RBPMS: variants seen among roughly 807,000 people sequenced by gnomAD.
The protein encoded by RBPMS is RNA binding protein, mRNA processing factor.
RBPMS carries 7 observed loss-of-function variants against 26.8 expected under a neutral mutation model. That is an observed-to-expected ratio of 0.26 (90% CI 0.15 to 0.49). The LOEUF is 0.49. Ranked by LOEUF, RBPMS falls within the 20% of genes least tolerant of loss-of-function variation. The probability of loss-of-function intolerance (pLI) is 0.98; values close to 1 mark genes in which losing one functional copy is unlikely to be tolerated. For missense variants in RBPMS, 186 were observed against 250.0 expected, an observed-to-expected ratio of 0.74 and a Z score of 1.73; for synonymous variants, 96 against 93.3, an observed-to-expected ratio of 1.03 and a Z score of -0.17.
intron 1 of RBPMS, among the ~76,000 whole-genome samples, chr8:30,448,878 C>T (rs1026298985): frequency 6.6e-6 from 1 of 152,204 alleles, no homozygotes; most frequent in Non-Finnish European, 1.5e-5. Context: ...CATTTCTTTT[C>T]TATGTCCAGA....
At chr8:30,409,852 C>T (rs879629085) in intron 1 of RBPMS, among the ~76,000 whole-genome samples, 8 of 151,454 alleles carry the variant, frequency 5.3e-5, no homozygotes, top group African/African-American at 9.7e-5. Context: ...AGGCTGGTCT[C>T]GATCTCCTGA....
At chr8:30,506,524 T>A (rs1821086447) in intron 5 of RBPMS, among the ~76,000 whole-genome samples, 1 of 152,124 alleles carries the variant, frequency 6.6e-6, no homozygotes, top group East Asian at 1.9e-4. Flanking sequence ...AACTTGACCG[T>A]CACATACAAC....
At chr8:30,493,941 TGGTTGGC>T (rs1211860236) in intron 4 of RBPMS, among the ~76,000 whole-genome samples, 1 of 151,944 alleles carries the variant, frequency 6.6e-6, no homozygotes, top group Non-Finnish European at 1.5e-5. Context: ...TACATAGGGG[TGGTTGGC>T]TAACACAAAA....
chr8:30,479,887 G>A (rs2150847168), intron 4 of RBPMS, among the ~76,000 whole-genome samples: 1 of 152,050 alleles, frequency 6.6e-6, no homozygotes, highest in Non-Finnish European at 1.5e-5. Context: ...CAAAAGACGT[G>A]TGTTGTAATA....
intron 1 of RBPMS, among the ~76,000 whole-genome samples, chr8:30,458,494 C>G (rs967533870): frequency 1.3e-5 from 2 of 151,934 alleles, no homozygotes; most frequent in African/African-American, 4.8e-5. Context: ...AGCTGGGATT[C>G]AAACCCAGGC....
chr8:30,506,857 A>G (rs996392905), intron 5 of RBPMS, among the ~76,000 whole-genome samples: 1 of 152,218 alleles, frequency 6.6e-6, no homozygotes, highest in Non-Finnish European at 1.5e-5. Context: ...TGAACTCTCA[A>G]TTCTCCATAA....
At position 30,566,264 on chromosome 8, in the gene RBPMS, G is replaced by C. The variant is rs775863689; in HGVS notation, c.*15G>C. On this transcript the variant is annotated 3_prime_UTR_variant, in exon 8 of 9. Transcript: ENST00000397323. ...GATCTTTCTCCATCCCAGGTCCCAG[G>C]TGTGTGATGGCGGCTGCAATCTGTC... is the stretch of plus-strand genomic sequence containing the variant. The C allele has an allele frequency of 3.0e-6, 3 of 985,882 alleles. No homozygotes were observed. Among genetic ancestry groups the C allele is most frequent in the African/African-American group, 1.7e-5 (1 of 57,264 alleles). 61.1% of individuals were successfully genotyped at this position (985,882 alleles called of 1,614,324 possible).
In RBPMS at chr8:30,527,555, A is replaced by T. The variant is rs1490929032; in HGVS notation, c.398-16939A>T. ...ACTAGCTGGCCTACAACCGTTGGTT[A>T]CATACACAGCCCAGTCTTTTCATAA... On this transcript the variant is annotated intron_variant, in intron 5 of 8. Transcript: ENST00000397323. Among the ~76,000 whole-genome samples, 3 of 152,182 alleles carry T rather than the reference A, an allele frequency of 2.0e-5. No homozygotes were observed. In the East Asian group the frequency reaches 5.8e-4, roughly 29 times the overall value.
chr8:30,553,144 TAGTGAAG>T (rs1826536790), intron 6 of RBPMS: 1 of 152,176 alleles, frequency 6.6e-6, no homozygotes, highest in Admixed American at 6.5e-5. Context: ...GCCAGACAGG[TAGTGAAG>T]AATGCTGATG....
At chr8:30,545,029 T>C (rs1825758727) in intron 6 of RBPMS, 2 of 1,421,118 alleles carry the variant, frequency 1.4e-6, no homozygotes, top group Non-Finnish European at 1.8e-6. Flanking sequence ...TGCGTGTTTC[T>C]GTGTGTTGAG....
intron 5 of RBPMS, among the ~76,000 whole-genome samples, chr8:30,540,621 G>A (rs759629624): frequency 1.3e-5 from 2 of 152,030 alleles, no homozygotes; most frequent in South Asian, 2.1e-4. Context: ...ACGGGGTCTC[G>A]CTATGTTGCC....
At chr8:30,520,669 T>G (rs188604724) in intron 5 of RBPMS, among the ~76,000 whole-genome samples, 6 of 152,230 alleles carry the variant, frequency 3.9e-5, no homozygotes, top group Middle Eastern at 3.4e-3. Flanking sequence ...TTTATCTGGT[T>G]AAAGCAACTC....
chr8:30,559,597 G>GA (rs1419573601), intron 7 of RBPMS, among the ~76,000 whole-genome samples: 1 of 152,158 alleles, frequency 6.6e-6, no homozygotes, highest in African/African-American at 2.4e-5. Flanking sequence ...CTGTAATTCA[G>GA]AAATTCTGAA....
intron 1 of RBPMS, among the ~76,000 whole-genome samples, chr8:30,437,258 A>G (rs1409016922): frequency 1.3e-5 from 2 of 151,842 alleles, no homozygotes; most frequent in African/African-American, 4.8e-5. Context: ...TGTTGGGATT[A>G]TAAGTCAAAA....
At chr8:30,445,649 G>GATATATATATATATATATATAT (rs59580323) in intron 1 of RBPMS, among the ~76,000 whole-genome samples, 1,768 of 106,846 alleles carry the variant, frequency 0.017, 76 homozygotes, top group African/African-American at 0.031. Context: ...TATACACACG[G>GATATATATATATATATATATAT]ATATATATAT....
chr8:30,472,113 T>C (rs1817177430), intron 1 of RBPMS, among the ~76,000 whole-genome samples: 1 of 152,234 alleles, frequency 6.6e-6, no homozygotes, highest in Admixed American at 6.5e-5. Context: ...TACATGAATG[T>C]TCATAGCCAT....
chr8:30,508,219 GGA>G (rs1163390286), intron 5 of RBPMS, among the ~76,000 whole-genome samples: 1 of 152,152 alleles, frequency 6.6e-6, no homozygotes, highest in African/African-American at 2.4e-5. Flanking sequence ...TGCAAGCCAA[GGA>G]GAGAGACCTC....
At chr8:30,478,233 A>G (rs1412687611) in intron 3 of RBPMS, among the ~76,000 whole-genome samples, 1 of 152,222 alleles carries the variant, frequency 6.6e-6, no homozygotes, top group African/African-American at 2.4e-5. Flanking sequence ...AAATTAAGGC[A>G]GAGTCCCGAG....
At chr8:30,425,070 C>T (rs1231049135) in intron 1 of RBPMS, among the ~76,000 whole-genome samples, 1 of 152,078 alleles carries the variant, frequency 6.6e-6, no homozygotes, top group African/African-American at 2.4e-5. Context: ...GTCCTCCCAC[C>T]TCAGCCTCCC....
Sources: gnomAD v4.1 joint callset for allele counts (sites outside exome capture counted in the v4.1 genomes callset) on GRCh38, gnomAD v4.1.1 for gene constraint, MANE v1.5 for transcripts, NCBI Gene and HGNC (gene_info 2026-07-23, HGNC 2026-07-21) for gene names.